The following NCAM2 variants were observed in gnomAD, a reference collection of about 807,000 sequenced individuals.
NCAM2 encodes N-CAM-2.
In NCAM2, 30 loss-of-function variants were observed where a neutral mutation model predicts 98.1. The ratio of observed to expected loss-of-function variants is 0.31; its 90% CI spans 0.23 to 0.41. The LOEUF (loss-of-function observed/expected upper bound fraction) is 0.41. Among genes scored for constraint, NCAM2 ranks in the 10% least tolerant of loss-of-function variants. NCAM2 has a pLI of 1.00. For synonymous variants in NCAM2, 368 were observed against 342.4 expected (o/e 1.07, Z -0.83); for missense variants, 867 against 1,005.8 (o/e 0.86, Z 1.87).
rs767210272 is a variant in NCAM2, at chr21:21,410,304, T to C, written c.1226T>C (p.Ile409Thr). 3 of 1,581,244 alleles carry C rather than the reference T, an allele frequency of 1.9e-6. No individual in the cohort carries two copies. The African/African-American group carries it at 4.1e-5, about 22-fold the overall frequency. Residue 409 changes from isoleucine (I) to threonine (T), a missense_variant, in exon 10 of 18, where the codon ATT becomes ACT. By Grantham distance (89) the Ile-to-Thr change is moderately conservative (BLOSUM62 -1). Coordinates refer to ENST00000400546, the MANE Select transcript of NCAM2 (RefSeq NM_004540.5). The stretch of plus-strand genomic sequence containing the variant: ...CCCAAGTTTATATCAAACCAAACAA[T>C]TTATTACTCTTGGGAAGGAAATCCT... ...YAPKFISNQT[I>T]YYSWEGNPIN...
intron 9 of NCAM2, among the ~76,000 whole-genome samples, chr21:21,380,564 T>G (rs892751004): frequency 2.1e-4 from 30 of 141,892 alleles, no homozygotes; most frequent in African/African-American, 7.7e-4. Flanking sequence ...TGTTTTCTTG[T>G]TTTTTTTTTC....
chr21:21,016,177 C>A (rs922383815), intron 1 of NCAM2, among the ~76,000 whole-genome samples: 1 of 152,140 alleles, frequency 6.6e-6, no homozygotes, highest in East Asian at 1.9e-4. Flanking sequence ...CGAATCAACT[C>A]CCTTTTGCTG....
chr21:21,307,183 C>T (rs553662536), intron 5 of NCAM2, among the ~76,000 whole-genome samples: 1 of 152,016 alleles, frequency 6.6e-6, no homozygotes, highest in South Asian at 2.1e-4. Context: ...TGTCTGATAT[C>T]TGTTCATAGT....
intron 16 of NCAM2, among the ~76,000 whole-genome samples, chr21:21,529,322 C>T (rs189584584): frequency 6.6e-6 from 1 of 152,114 alleles, no homozygotes; most frequent in Non-Finnish European, 1.5e-5. Flanking sequence ...TCCTATCCAA[C>T]GCAGGTATAA....
intron 1 of NCAM2, among the ~76,000 whole-genome samples, chr21:21,208,697 A>G (rs946755710): frequency 6.6e-6 from 1 of 152,140 alleles, no homozygotes; most frequent in Non-Finnish European, 1.5e-5. Flanking sequence ...AGAAAAAAAA[A>G]ATCTTTGACA....
At chr21:21,086,026 G>T (rs543405828) in intron 1 of NCAM2, among the ~76,000 whole-genome samples, 1 of 152,134 alleles carries the variant, frequency 6.6e-6, no homozygotes, top group Non-Finnish European at 1.5e-5. Context: ...AGTATTAAGG[G>T]ATTCTAATAT....
At chr21:21,209,161 G>T (rs541418872) in intron 1 of NCAM2, among the ~76,000 whole-genome samples, 1 of 151,064 alleles carries the variant, frequency 6.6e-6, no homozygotes, top group East Asian at 1.9e-4. Context: ...ATAGTCCCTA[G>T]GCCAGGGTCA....
At chr21:21,527,231 C>A (rs1824435) in intron 16 of NCAM2, among the ~76,000 whole-genome samples, 15,748 of 151,684 alleles carry the variant, frequency 0.1, 924 homozygotes, top group East Asian at 0.16. Context: ...CCTGCCTCAA[C>A]TTCCTGAGTA....
chr21:21,328,528 A>G (rs1347729540), intron 6 of NCAM2, among the ~76,000 whole-genome samples: 1 of 151,860 alleles, frequency 6.6e-6, no homozygotes, highest in Non-Finnish European at 1.5e-5. Context: ...AGACATTGAT[A>G]TTGATGATCC....
chr21:21,332,238 G>C (rs185299975), intron 6 of NCAM2, among the ~76,000 whole-genome samples: 2 of 152,212 alleles, frequency 1.3e-5, no homozygotes, highest in African/African-American at 2.4e-5. Context: ...CAGACATTCA[G>C]AATTTTGTGT....
At chr21:21,535,934 G>C (rs1399378077) in intron 17 of NCAM2, among the ~76,000 whole-genome samples, 1 of 151,996 alleles carries the variant, frequency 6.6e-6, no homozygotes, top group African/African-American at 2.4e-5. Context: ...TGAAAGCACT[G>C]GGTCATTAAA....
intron 1 of NCAM2, among the ~76,000 whole-genome samples, chr21:21,094,922 T>C (rs1036050157): frequency 6.6e-6 from 1 of 151,794 alleles, no homozygotes; most frequent in Non-Finnish European, 1.5e-5. Context: ...AAAAGCATAA[T>C]TGTTGACTTT....
intron 1 of NCAM2, among the ~76,000 whole-genome samples, chr21:21,202,407 CCTTTTTTTT>C (rs1475417810): frequency 2.5e-5 from 2 of 79,786 alleles, no homozygotes; most frequent in Non-Finnish European, 5.3e-5. Context: ...AAGCAAATAT[CCTTTTTTTT>C]TTTTTTTTTT....
chr21:21,485,795 T>C (rs1054484780), intron 15 of NCAM2, among the ~76,000 whole-genome samples: 1 of 152,210 alleles, frequency 6.6e-6, no homozygotes, highest in Non-Finnish European at 1.5e-5. Flanking sequence ...GATTCATTCA[T>C]CAAAAGCTAT....
At chr21:21,332,155 G>T (rs1004539369) in intron 6 of NCAM2, among the ~76,000 whole-genome samples, 11 of 151,980 alleles carry the variant, frequency 7.2e-5, no homozygotes, top group Non-Finnish European at 2.9e-5. Flanking sequence ...TGCCCTGCCC[G>T]CCTCGGCCTC....
intron 12 of NCAM2, among the ~76,000 whole-genome samples, chr21:21,438,984 G>T (rs1414614905): frequency 2.0e-5 from 3 of 151,998 alleles, no homozygotes; most frequent in Admixed American, 2.0e-4. Flanking sequence ...TACTCAGGAG[G>T]CTGAGGCAGA....
chr21:21,314,810 G>T (rs577041797), intron 5 of NCAM2, among the ~76,000 whole-genome samples: 5 of 151,492 alleles, frequency 3.3e-5, no homozygotes, highest in East Asian at 1.9e-4. Context: ...ATTTATTTGG[G>T]GTTTTAAAAA....
chr21:21,327,259 G>T (rs1201657769), intron 6 of NCAM2, among the ~76,000 whole-genome samples: 2 of 132,136 alleles, frequency 1.5e-5, no homozygotes, highest in Non-Finnish European at 3.1e-5. Context: ...AGTGAGCTGA[G>T]TTCGCGCCAC....
At chr21:21,077,631 T>C (rs183633925) in intron 1 of NCAM2, among the ~76,000 whole-genome samples, 2 of 152,264 alleles carry the variant, frequency 1.3e-5, no homozygotes, top group East Asian at 1.9e-4. Context: ...AAAATAAATA[T>C]TATGTTTCTC....
Sources: gnomAD v4.1 joint callset for allele counts (sites outside exome capture counted in the v4.1 genomes callset) on GRCh38, gnomAD v4.1.1 for gene constraint, MANE v1.5 for transcripts, NCBI Gene and HGNC (gene_info 2026-07-23, HGNC 2026-07-21) for gene names.